ACER3: variants seen among roughly 807,000 people sequenced by gnomAD.
The protein encoded by ACER3 is alkaline ceramidase 3, also known as alkCDase 3.
ACER3 carries 16 observed loss-of-function variants against 48.9 expected under a neutral mutation model. The observed-to-expected ratio is 0.33, with a 90% CI of 0.22 to 0.50. ACER3 has a LOEUF of 0.50. Ranked by LOEUF, ACER3 falls within the 20% of genes least tolerant of loss-of-function variation. The pLI is 0.98. For synonymous variants in ACER3, 109 were observed against 107.8 expected (o/e 1.01, Z -0.07); for missense variants, 227 against 326.0 (o/e 0.70, Z 2.34).
In ACER3 at chr11:76,990,578, A is replaced by AT. The variant is rs1267668806; in HGVS notation, c.438+10dup. ...AAAAGAGCCGATATTCCATCAGGTA[A>AT]TTTTTTGTAAATTATTACACATTAG... On this transcript the variant is annotated splice_donor_region_variant and intron_variant, in intron 6 of 10. Transcript: ENST00000532485. 1.1e-5 allele frequency: 16 copies of AT among 1,457,906 alleles called. No homozygotes were observed. The highest frequency in any genetic ancestry group is 1.5e-5 in the Non-Finnish European group (16 of 1,040,724). The allele number at this position is 1,457,906 out of a possible 1,614,324, so 90.3% of individuals were successfully genotyped here.
At chr11:77,008,991 C>G (rs7948974) in intron 7 of ACER3, among the ~76,000 whole-genome samples, 8,545 of 152,186 alleles carry the variant, frequency 0.056, 828 homozygotes, top group African/African-American at 0.2. Flanking sequence ...TCCCAGGACA[C>G]TGAGGCTGCA....
intron 2 of ACER3, chr11:76,955,511 CA>C: frequency 6.5e-6 from 1 of 152,686 alleles, no homozygotes; most frequent in Non-Finnish European, 1.5e-5. Flanking sequence ...GAACCAAAAC[CA>C]AAAAACGTCT....
chr11:76,975,822 T>A (rs1423868732), intron 3 of ACER3, among the ~76,000 whole-genome samples: 1 of 151,096 alleles, frequency 6.6e-6, no homozygotes, highest in African/African-American at 2.4e-5. Context: ...TGATGACAAA[T>A]ATATAAAGAG....
In ACER3 at chr11:76,985,691, T is replaced by C; in HGVS notation, c.369T>C (p.Phe123=). 6.4e-7 allele frequency: 1 copy of C among 1,573,862 alleles called. No individual in the cohort carries two copies. The highest frequency in any genetic ancestry group is 8.6e-7 in the Non-Finnish European group (1 of 1,167,742). ...IKNSVNYHLL[F]TLVLFSLIVT... is the part of the protein sequence containing the mutation. ...ACTCAGTAAACTACCATCTGCTTTT[T>C]ACCTTAGTTCTATTCAGTTTAATAG... Residue 123 remains phenylalanine, a synonymous_variant, in exon 5 of 11, where the codon TTT becomes TTC. Coordinates refer to ENST00000532485, the MANE Select transcript of ACER3 (RefSeq NM_018367.7).
chr11:76,987,751 A>G (rs183163370), intron 5 of ACER3, among the ~76,000 whole-genome samples: 1 of 152,336 alleles, frequency 6.6e-6, no homozygotes, highest in Non-Finnish European at 1.5e-5. Flanking sequence ...CAGCTGGGCA[A>G]CATAGTGAGA....
At chr11:76,934,552 G>A (rs1336057042) in intron 2 of ACER3, among the ~76,000 whole-genome samples, 3 of 152,392 alleles carry the variant, frequency 2.0e-5, no homozygotes, top group Admixed American at 6.5e-5. Flanking sequence ...GTCAGGCGTG[G>A]CGTGCGCCTG....
At chr11:76,918,481 C>A (rs1946598077) in intron 1 of ACER3, among the ~76,000 whole-genome samples, 1 of 151,960 alleles carries the variant, frequency 6.6e-6, no homozygotes. Flanking sequence ...CAACACAATT[C>A]CCAGGTTGCA....
chr11:76,985,426 G>A (rs1948667844), intron 4 of ACER3, among the ~76,000 whole-genome samples: 1 of 152,086 alleles, frequency 6.6e-6, no homozygotes, highest in Non-Finnish European at 1.5e-5. Flanking sequence ...AGACTCTCAG[G>A]CAAGAGCCTT....
chr11:76,926,490 G>A (rs976612842), intron 1 of ACER3, 67 bp from the exon 2 acceptor site: 65 of 906,308 alleles, frequency 7.2e-5, no homozygotes, highest in South Asian at 6.2e-4. Flanking sequence ...TAAAGCCTAC[G>A]TGAATGTATC....
chr11:76,976,916 G>A (rs1271131474), intron 4 of ACER3, among the ~76,000 whole-genome samples: 1 of 152,128 alleles, frequency 6.6e-6, no homozygotes, highest in Non-Finnish European at 1.5e-5. Flanking sequence ...ATTATATTCT[G>A]TTTACTTTAT....
At chr11:76,950,875 A>G (rs2134984273) in intron 2 of ACER3, among the ~76,000 whole-genome samples, 1 of 152,286 alleles carries the variant, frequency 6.6e-6, no homozygotes, top group Non-Finnish European at 1.5e-5. Flanking sequence ...GATAATATGG[A>G]CGATCTTTTC....
At chr11:76,881,345 A>G (rs1054620142) in intron 1 of ACER3, among the ~76,000 whole-genome samples, 6 of 150,328 alleles carry the variant, frequency 4.0e-5, no homozygotes, top group Admixed American at 1.3e-4. Context: ...TCTTTGGTTT[A>G]TATGGTTTGG....
chr11:76,930,642 C>T lies in ACER3; in HGVS notation c.214+3975C>T, dbSNP rs1195609285. ...CCCTCTACACACTACTTAAATGTGT[C>T]CCAGAGATTCTGGTATGTTGTGTCT... On this transcript the variant is annotated intron_variant, in intron 2 of 10. Transcript: ENST00000532485. Among the ~76,000 whole-genome samples, 155 of 151,430 alleles carry T rather than the reference C, an allele frequency of 1.0e-3. 1 individual carries two copies. Among genetic ancestry groups the T allele is most frequent in the African/African-American group, 2.0e-3 (84 of 41,154 alleles).
At chr11:76,941,049 ACACG>A (rs1448932084) in intron 2 of ACER3, among the ~76,000 whole-genome samples, 23 of 151,954 alleles carry the variant, frequency 1.5e-4, no homozygotes, top group Non-Finnish European at 2.1e-4. Context: ...ACGCACACAC[ACACG>A]CACACAGAAA....
chr11:76,880,367 G>T (rs1208869699), intron 1 of ACER3, among the ~76,000 whole-genome samples: 2 of 152,188 alleles, frequency 1.3e-5, no homozygotes, highest in Non-Finnish European at 2.9e-5. Context: ...GTGACCAGAT[G>T]TGTGGGGATT....
chr11:76,984,050 A>C (rs879702506), intron 4 of ACER3, among the ~76,000 whole-genome samples: 1 of 152,086 alleles, frequency 6.6e-6, no homozygotes, highest in Admixed American at 6.5e-5. Flanking sequence ...GGCCTCCCAA[A>C]GTGCTGGGAT....
chr11:77,000,080 A>G (rs11237054), intron 7 of ACER3, among the ~76,000 whole-genome samples: 16,289 of 152,220 alleles, frequency 0.11, 1,069 homozygotes, highest in East Asian at 0.36. Flanking sequence ...CACCAGCAAT[A>G]TATGTGTGAT....
intron 1 of ACER3, among the ~76,000 whole-genome samples, chr11:76,925,566 G>A (rs937752502): frequency 3.9e-5 from 6 of 151,934 alleles, no homozygotes; most frequent in Non-Finnish European, 5.9e-5. Context: ...TTCTCCTGCC[G>A]CAGTTTGGAT....
At chr11:76,935,252 A>G (rs765466285) in intron 2 of ACER3, among the ~76,000 whole-genome samples, 1 of 152,158 alleles carries the variant, frequency 6.6e-6, no homozygotes, top group African/African-American at 2.4e-5. Flanking sequence ...GAAGACAAGC[A>G]GAAAAGATCC....
Sources: gnomAD v4.1 joint callset for allele counts (sites outside exome capture counted in the v4.1 genomes callset) on GRCh38, gnomAD v4.1.1 for gene constraint, MANE v1.5 for transcripts, NCBI Gene and HGNC (gene_info 2026-07-23, HGNC 2026-07-21) for gene names.